Variants in EPB41 observed in about 807,000 individuals in gnomAD.
EPB41 encodes protein 4.1.
Under a neutral mutation model 108.0 loss-of-function variants are expected in EPB41, and 65 were observed. That is an observed-to-expected ratio of 0.60 (90% CI 0.49 to 0.74). EPB41 has a LOEUF of 0.74. Ranked by LOEUF, EPB41 falls within the 30% of genes least tolerant of loss-of-function variation. The probability of loss-of-function intolerance (pLI) is 0.00; values close to 1 mark genes in which losing one functional copy is unlikely to be tolerated. For synonymous variants in EPB41, 336 were observed against 358.9 expected (o/e 0.94, Z 0.72); for missense variants, 875 against 1,037.0 (o/e 0.84, Z 2.15).
chr1:29,074,416 T>C (rs1652961295), intron 16 of EPB41, among the ~76,000 whole-genome samples: 1 of 152,210 alleles, frequency 6.6e-6, no homozygotes, highest in South Asian at 2.1e-4. Context: ...TATTAATCTG[T>C]TTTGTGTGGC....
chr1:29,031,752 C>T (rs1429168745), intron 8 of EPB41: 1 of 152,148 alleles, frequency 6.6e-6, no homozygotes, highest in African/African-American at 2.4e-5. Context: ...CAGAATGAAT[C>T]CTTAAGGAAA....
intron 1 of EPB41, among the ~76,000 whole-genome samples, chr1:28,938,934 GTTTTAT>G (rs1315175770): frequency 6.6e-6 from 1 of 152,140 alleles, no homozygotes; most frequent in East Asian, 1.9e-4. Context: ...AATAGGGATA[GTTTTAT>G]TTTTTCTTTC....
At chr1:29,091,736 A>C (rs1016645361) in intron 16 of EPB41, among the ~76,000 whole-genome samples, 3 of 152,234 alleles carry the variant, frequency 2.0e-5, no homozygotes, top group Non-Finnish European at 4.4e-5. Context: ...ATTTGCAGAC[A>C]GAGACAGCCT....
intron 2 of EPB41, 87 bp from the exon 3 acceptor site, chr1:28,993,243 T>C (rs770644519): frequency 2.3e-5 from 24 of 1,056,092 alleles, no homozygotes; most frequent in South Asian, 5.3e-5. Context: ...CATGCTTTTA[T>C]TGGTAAGATT....
intron 10 of EPB41, among the ~76,000 whole-genome samples, chr1:29,036,351 CCG>C (rs1226723616): frequency 6.6e-6 from 1 of 151,104 alleles, no homozygotes; most frequent in Non-Finnish European, 1.5e-5. Flanking sequence ...CCTCCGCCTC[CCG>C]GGTTCAAGTG....
At position 29,058,626 on chromosome 1, in the gene EPB41, C is replaced by G; in HGVS notation, c.1883C>G (p.Ser628Ter). Residue 628 changes from serine (S) to a stop codon, truncating the protein, a stop_gained, in exon 13 of 21, where the codon TCA (serine) becomes TGA (stop). Transcript: ENST00000343067. LOFTEE classifies it high-confidence loss of function. Reference sequence around the variant, plus strand: ...CACATCGAGGTGACAGTACCCACCTCAAATGGTGACCAAACACAGGTTTGT... The same window carrying G: ...CACATCGAGGTGACAGTACCCACCTGAAATGGTGACCAAACACAGGTTTGT... Reference protein sequence around the residue: ...KTHIEVTVPTSNGDQTQKLAE... With the variant: ...KTHIEVTVPT 1 of 1,613,768 alleles carries G rather than the reference C, an allele frequency of 6.2e-7. No individual in the cohort carries two copies.
intron 16 of EPB41, among the ~76,000 whole-genome samples, chr1:29,091,687 A>G (rs1467828951): frequency 1.3e-5 from 2 of 152,252 alleles, no homozygotes; most frequent in South Asian, 2.1e-4. Context: ...GAGGAAATTC[A>G]TACATTCTTG....
chr1:29,081,875 T>C (rs12723108), intron 16 of EPB41, among the ~76,000 whole-genome samples: 32,701 of 149,904 alleles, frequency 0.22, 4,042 homozygotes, highest in Non-Finnish European at 0.29. Flanking sequence ...CATTTTAGAG[T>C]GGTCTATTTA....
chr1:28,977,341 A>C (rs2095630599), intron 1 of EPB41, among the ~76,000 whole-genome samples: 1 of 151,708 alleles, frequency 6.6e-6, no homozygotes, highest in South Asian at 2.1e-4. Context: ...CAGAGATGTA[A>C]AAAAAAATGA....
Position 29,018,256 on chromosome 1 carries a change from T to G in EPB41, c.938T>G (p.Ile313Arg). ...YYLCLQLRQD[I>R]VAGRLPCSFA... is the part of the protein sequence containing the mutation. ...TTATGTCTTCAGCTTCGGCAGGACA[T>G]AGTTGCAGGACGTCTGCCCTGTTCC... Residue 313 changes from isoleucine (I) to arginine (R), a missense_variant, in exon 7 of 21, where the codon ATA becomes AGA. By Grantham distance (97) the Ile-to-Arg change is moderately conservative (BLOSUM62 -3). Around this residue, in one of 3 missense-constraint regions of EPB41, gnomAD observed 353 missense variants for 393.2 expected, o/e 0.90. Coordinates refer to ENST00000343067, the MANE Select transcript of EPB41 (RefSeq NM_001376013.1). This position sits in a 1 kb window ranked among gnomAD's most constrained non-coding sequence, Gnocchi z 4.4. The G allele has an allele frequency of 6.2e-7, 1 of 1,614,208 alleles. No homozygotes were observed. Among genetic ancestry groups the G allele is most frequent in the Non-Finnish European group, 8.5e-7 (1 of 1,180,040 alleles).
At position 28,987,552 on chromosome 1, in the gene EPB41, T is replaced by C; in HGVS notation, c.115T>C (p.Cys39Arg). 6.2e-7 allele frequency: 1 copy of C among 1,614,152 alleles called. No individual in the cohort carries two copies. The change falls in exon 2 of 21, where the codon TGT becomes CGT. Residue 39 changes from cysteine to arginine, a missense_variant. This residue lies in a region of EPB41 where 353 missense variants were observed against 393.2 expected (regional missense o/e 0.90). Coordinates refer to ENST00000343067, the MANE Select transcript of EPB41 (RefSeq NM_001376013.1). ...ACAAGAACCTCAGCAGGAGGAATCT[T>C]GTCAAACAGCAGCTGAAGGAGATAA... ...GQQEPQQEES[C>R]QTAAEGDNWC... is the part of the protein sequence containing the mutation.
intron 11 of EPB41, among the ~76,000 whole-genome samples, chr1:29,048,447 G>A (rs1386149942): frequency 6.6e-6 from 1 of 151,900 alleles, no homozygotes; most frequent in East Asian, 1.9e-4. Context: ...CTGACCTCAG[G>A]TGATCCACCC....
At chr1:29,067,214 G>A (rs1399378810) in intron 16 of EPB41, among the ~76,000 whole-genome samples, 6 of 150,222 alleles carry the variant, frequency 4.0e-5, no homozygotes, top group African/African-American at 1.2e-4. Flanking sequence ...AAAATTAGCC[G>A]GGGCCAGGCA....
chr1:29,053,241 G>C lies in EPB41; in HGVS notation c.1774G>C (p.Val592Leu). The change falls in exon 12 of 21, where the codon GTG becomes CTG. Residue 592 changes from valine (V) to leucine (L), a missense_variant. By Grantham distance (32) the Val-to-Leu change is conservative. Transcript: ENST00000343067. The part of the protein sequence containing the change: ...TVVPKAQKET[V>L]KAEVKKEDEP... ...GGTCCCTAAAGCACAGAAGGAAACA[G>C]TGAAGGCTGAAGTGAAAAAGGAAGA... 6.2e-7 allele frequency: 1 copy of C among 1,614,186 alleles called. No homozygotes were observed. Among genetic ancestry groups the C allele is most frequent in the Non-Finnish European group, 8.5e-7 (1 of 1,180,042 alleles).
intron 5 of EPB41, among the ~76,000 whole-genome samples, chr1:29,014,693 G>GT (rs780362507): frequency 6.6e-6 from 1 of 152,156 alleles, no homozygotes; most frequent in Non-Finnish European, 1.5e-5. Context: ...AGTCTTCAAA[G>GT]TACTGGGATT....
At chr1:29,108,184 T>G (rs1201294910) in intron 17 of EPB41, among the ~76,000 whole-genome samples, 1 of 150,834 alleles carries the variant, frequency 6.6e-6, no homozygotes, top group Non-Finnish European at 1.5e-5. Context: ...ATTTCGCTCT[T>G]GTTGCCCAGG....
At chr1:29,039,818 A>AG (rs1448961145) in intron 11 of EPB41, among the ~76,000 whole-genome samples, 1 of 152,156 alleles carries the variant, frequency 6.6e-6, no homozygotes, top group Non-Finnish European at 1.5e-5. Context: ...TGTCTCAAAA[A>AG]AAAAAGAAGC....
chr1:28,953,681 A>G (rs190587662), intron 1 of EPB41, among the ~76,000 whole-genome samples: 71 of 152,354 alleles, frequency 4.7e-4, no homozygotes, highest in African/African-American at 1.7e-3. Flanking sequence ...TAATTTAATG[A>G]TAAGACAAAA....
At chr1:28,917,342 A>G (rs577224856) in intron 1 of EPB41, among the ~76,000 whole-genome samples, 1 of 152,024 alleles carries the variant, frequency 6.6e-6, no homozygotes, top group South Asian at 2.1e-4. Flanking sequence ...GTGCAGTGGC[A>G]TGATCTCAGC....
Sources: gnomAD v4.1 joint callset for allele counts (sites outside exome capture counted in the v4.1 genomes callset) on GRCh38, gnomAD v4.1.1 for gene constraint, gnomAD v4.1.1 regional missense constraint, Gnocchi (gnomAD v3.1) non-coding constraint, MANE v1.5 for transcripts, NCBI Gene and HGNC (gene_info 2026-07-23, HGNC 2026-07-21) for gene names.